TMEM132B: variants seen among roughly 807,000 people sequenced by gnomAD.
TMEM132B encodes the protein transmembrane protein 132B.
In TMEM132B, 18 loss-of-function variants were observed where a neutral mutation model predicts 90.8. The observed-to-expected ratio is 0.20, with a 90% CI of 0.14 to 0.29. TMEM132B has a LOEUF of 0.29. Among genes scored for constraint, TMEM132B ranks in the 10% least tolerant of loss-of-function variants. The probability of loss-of-function intolerance (pLI) is 1.00; values close to 1 mark genes in which losing one functional copy is unlikely to be tolerated. For missense variants in TMEM132B, 1,096 were observed against 1,326.8 expected (o/e 0.83, Z 2.70); for synonymous variants, 504 against 523.3 (o/e 0.96, Z 0.50).
intron 1 of TMEM132B, among the ~76,000 whole-genome samples, chr12:125,189,866 C>G (rs764257610): frequency 1.3e-5 from 2 of 152,124 alleles, no homozygotes. Flanking sequence ...TTCCCAGATG[C>G]GTCTCCCAGC....
chr12:125,623,173 G>A (rs1886153334), intron 5 of TMEM132B, among the ~76,000 whole-genome samples: 1 of 152,152 alleles, frequency 6.6e-6, no homozygotes, highest in South Asian at 2.1e-4. Flanking sequence ...ACCATTTGAT[G>A]AATTGTAAGC....
At chr12:125,487,377 A>G (rs1276328821) in intron 3 of TMEM132B, among the ~76,000 whole-genome samples, 2 of 152,166 alleles carry the variant, frequency 1.3e-5, no homozygotes, top group Non-Finnish European at 2.9e-5. Context: ...AGGGTAATTA[A>G]TGTTAGCTGC....
intron 2 of TMEM132B, among the ~76,000 whole-genome samples, chr12:125,409,250 G>C (rs1486071808): frequency 6.6e-6 from 1 of 152,168 alleles, no homozygotes; most frequent in Non-Finnish European, 1.5e-5. Context: ...ACTGAGATAG[G>C]CATCTGGTTT....
At chr12:125,324,444 C>G (rs1207800287) in intron 1 of TMEM132B, among the ~76,000 whole-genome samples, 1 of 152,216 alleles carries the variant, frequency 6.6e-6, no homozygotes, top group Admixed American at 6.5e-5. Context: ...TATGTGCAGA[C>G]TAATTTTGGA....
chr12:125,637,320 G>A (rs1296797447), intron 5 of TMEM132B, among the ~76,000 whole-genome samples: 1 of 152,126 alleles, frequency 6.6e-6, no homozygotes, highest in Non-Finnish European at 1.5e-5. Context: ...AGAGCGGATC[G>A]GAGATCTGAA....
chr12:125,641,862 T>A (rs776426550), intron 5 of TMEM132B, among the ~76,000 whole-genome samples: 8 of 152,016 alleles, frequency 5.3e-5, no homozygotes, highest in Non-Finnish European at 1.0e-4. Flanking sequence ...ATGCAAGAGG[T>A]TTGAGGTCTG....
intron 3 of TMEM132B, among the ~76,000 whole-genome samples, chr12:125,424,634 C>T (rs150430661): frequency 2.6e-5 from 4 of 152,160 alleles, no homozygotes; most frequent in South Asian, 2.1e-4. Context: ...GCAGGCCTAG[C>T]GGAATGCCAG....
intron 5 of TMEM132B, among the ~76,000 whole-genome samples, chr12:125,628,058 A>C (rs993085408): frequency 2.0e-5 from 3 of 152,084 alleles, no homozygotes; most frequent in Non-Finnish European, 4.4e-5. Flanking sequence ...TTATCCATTC[A>C]TCTGTTGATG....
chr12:125,555,761 C>A lies in TMEM132B; in HGVS notation c.1294-28090C>A, dbSNP rs375322966. 8.6e-5 allele frequency among the ~76,000 whole-genome samples: 13 copies of A among 151,984 alleles called. No homozygotes were observed. In the South Asian group the frequency reaches 2.7e-3, roughly 32 times the overall value. Reference sequence around the variant, plus strand: ...AAAAAGAAAAGAGTCATTTCACAGACCCTTACCCCAACTGGGATGTCGAGT... The same window carrying A: ...AAAAAGAAAAGAGTCATTTCACAGAACCTTACCCCAACTGGGATGTCGAGT... On this transcript the variant is annotated intron_variant, in intron 4 of 8. Coordinates refer to ENST00000682704, the MANE Select transcript of TMEM132B (RefSeq NM_001366854.1).
At chr12:125,606,056 T>A (rs1240987363) in intron 5 of TMEM132B, among the ~76,000 whole-genome samples, 1 of 152,206 alleles carries the variant, frequency 6.6e-6, no homozygotes, top group African/African-American at 2.4e-5. Flanking sequence ...AAGGGAACAA[T>A]GTATTGTATG....
At chr12:125,599,432 A>C (rs1885520299) in intron 5 of TMEM132B, among the ~76,000 whole-genome samples, 1 of 152,162 alleles carries the variant, frequency 6.6e-6, no homozygotes, top group Non-Finnish European at 1.5e-5. Flanking sequence ...CTTTCCAACC[A>C]TCTTTGTTGA....
intron 1 of TMEM132B, among the ~76,000 whole-genome samples, chr12:125,286,412 A>G (rs369779035): frequency 6.6e-6 from 1 of 152,232 alleles, no homozygotes; most frequent in South Asian, 2.1e-4. Flanking sequence ...TTCTACATAT[A>G]GAGAATGGGA....
At chr12:125,556,780 A>G (rs550026406) in intron 4 of TMEM132B, among the ~76,000 whole-genome samples, 190 of 152,230 alleles carry the variant, frequency 1.2e-3, no homozygotes, top group Non-Finnish European at 2.1e-3. Flanking sequence ...TTTGAGACAC[A>G]GTCTCGCTCT....
chr12:125,515,186 ATTCT>A (rs1313173563), intron 3 of TMEM132B, among the ~76,000 whole-genome samples: 4 of 147,664 alleles, frequency 2.7e-5, no homozygotes, highest in African/African-American at 1.1e-4. Flanking sequence ...TCACACACGC[ATTCT>A]CTCTCATGCA....
Position 125,435,723 on chromosome 12 carries a change from C to T in TMEM132B, c.1106+20046C>T, listed in dbSNP as rs1254141208. 2.0e-5 allele frequency among the ~76,000 whole-genome samples: 3 copies of T among 152,218 alleles called. No homozygotes were observed. In the South Asian group the frequency reaches 6.2e-4, roughly 32 times the overall value. On this transcript the variant is annotated intron_variant, in intron 3 of 8. Transcript: ENST00000682704. The stretch of plus-strand genomic sequence containing the variant: ...AGCAGGAGATAAGAATGGAGAATGC[C>T]GGTGTAGGGAAATCCCTGATTTGGG...
intron 1 of TMEM132B, among the ~76,000 whole-genome samples, chr12:125,310,412 C>T (rs146376453): frequency 5.9e-5 from 9 of 152,328 alleles, no homozygotes; most frequent in Non-Finnish European, 1.0e-4. Context: ...TGCCTGTCTC[C>T]TTAGATCCCC....
At position 125,349,638 on chromosome 12, in the gene TMEM132B, C is replaced by T. The variant is rs763107615; in HGVS notation, c.254C>T (p.Thr85Ile). The T allele has an allele frequency of 6.2e-6, 10 of 1,614,054 alleles. No homozygotes were observed. Among genetic ancestry groups the T allele is most frequent in the East Asian group, 2.2e-5 (1 of 44,892 alleles). Reference sequence around the variant, plus strand: ...CCATTCTTCATCTACCGAGCCAGGACACCCCCTATTATCAATGCCAGCTAT... The same window carrying T: ...CCATTCTTCATCTACCGAGCCAGGATACCCCCTATTATCAATGCCAGCTAT... The part of the protein sequence containing the change: ...VEPFFIYRAR[T>I]PPIINASYGP... The change falls in exon 2 of 9, where the codon ACA becomes ATA. Residue 85 changes from threonine to isoleucine, a missense_variant. Coordinates refer to ENST00000682704, the MANE Select transcript of TMEM132B (RefSeq NM_001366854.1). This position sits in a 1 kb window ranked among gnomAD's most constrained non-coding sequence, Gnocchi z 4.1.
intron 5 of TMEM132B, chr12:125,585,848 G>A (rs1885167894): frequency 6.6e-6 from 1 of 152,208 alleles, no homozygotes; most frequent in South Asian, 2.1e-4. Context: ...AGTCTTCAGA[G>A]GAACAAAGTG....
intron 2 of TMEM132B, among the ~76,000 whole-genome samples, chr12:125,392,312 T>C (rs1369675215): frequency 6.6e-6 from 1 of 152,032 alleles, no homozygotes; most frequent in Admixed American, 6.6e-5. Flanking sequence ...TAAAAATGGG[T>C]TGGAATAGGA....
Sources: allele counts gnomAD v4.1 joint callset (sites outside exome capture counted in the v4.1 genomes callset), GRCh38; gene constraint gnomAD v4.1.1; non-coding constraint Gnocchi (gnomAD v3.1); transcripts MANE v1.5; gene names NCBI Gene and HGNC (gene_info 2026-07-23, HGNC 2026-07-21).